PHLDB2: variants seen among roughly 807,000 people sequenced by gnomAD.
The protein encoded by PHLDB2 is pleckstrin homology-like domain family B member 2.
A neutral mutation model predicts 123.6 loss-of-function variants in PHLDB2; 71 were observed. The observed-to-expected ratio is 0.57, with a 90% CI of 0.47 to 0.70. The LOEUF (loss-of-function observed/expected upper bound fraction) is 0.70. PHLDB2 is among the 30% of genes least tolerant of loss of function. The pLI is 0.00. For missense variants in PHLDB2, 1,446 were observed against 1,519.5 expected (o/e 0.95, Z 0.80); for synonymous variants, 547 against 541.6 (o/e 1.01, Z -0.14).
intron 2 of PHLDB2, among the ~76,000 whole-genome samples, chr3:111,906,656 C>T (rs1052584775): frequency 3.3e-5 from 5 of 152,162 alleles, no homozygotes; most frequent in East Asian, 1.9e-4. Context: ...TAGTTATTCA[C>T]GTATGTCTCA....
intron 8 of PHLDB2, among the ~76,000 whole-genome samples, chr3:111,942,009 G>C (rs948452913): frequency 2.0e-5 from 3 of 152,090 alleles, no homozygotes; most frequent in African/African-American, 7.2e-5. Flanking sequence ...GATGAAATCT[G>C]TTTCCATTAG....
chr3:111,800,890 G>A (rs558405598), intron 1 of PHLDB2, among the ~76,000 whole-genome samples: 1 of 152,160 alleles, frequency 6.6e-6, no homozygotes, highest in African/African-American at 2.4e-5. Flanking sequence ...TTTCTAAGAA[G>A]TTATGCCAAT....
chr3:111,835,512 G>A (rs1386910866), intron 1 of PHLDB2, among the ~76,000 whole-genome samples: 1 of 152,138 alleles, frequency 6.6e-6, no homozygotes, highest in Non-Finnish European at 1.5e-5. Context: ...TCAATAGCTG[G>A]TGAAAATAAT....
At chr3:111,861,696 T>C (rs755096104) in intron 1 of PHLDB2, among the ~76,000 whole-genome samples, 1 of 152,212 alleles carries the variant, frequency 6.6e-6, no homozygotes, top group Non-Finnish European at 1.5e-5. Context: ...GAGAGCTTGC[T>C]TACTCCTCCG....
At chr3:111,966,500 C>T (rs1415615442) in intron 13 of PHLDB2, 113 bp from the exon 14 acceptor site, 6 of 467,554 alleles carry the variant, frequency 1.3e-5, no homozygotes, top group East Asian at 3.8e-5. Flanking sequence ...CCCTTGACCC[C>T]ATGTGTGTGT....
At chr3:111,765,461 C>T (rs1053159338) in intron 1 of PHLDB2, among the ~76,000 whole-genome samples, 1 of 152,208 alleles carries the variant, frequency 6.6e-6, no homozygotes, top group Non-Finnish European at 1.5e-5. Context: ...TCCTAAGGCA[C>T]CCAGTTTTCA....
chr3:111,936,499 A>T (rs1262169259), intron 6 of PHLDB2, among the ~76,000 whole-genome samples: 1 of 152,198 alleles, frequency 6.6e-6, no homozygotes, highest in African/African-American at 2.4e-5. Flanking sequence ...GTAAGTTTAT[A>T]TACACACATT....
intron 17 of PHLDB2, 23 bp downstream of exon 17, chr3:111,973,840 C>A: frequency 6.9e-7 from 1 of 1,442,920 alleles, no homozygotes; most frequent in Non-Finnish European, 9.6e-7. Flanking sequence ...TTTCTAAATT[C>A]CTACAATTTG....
chr3:111,735,955 C>T (rs933224180), intron 1 of PHLDB2, among the ~76,000 whole-genome samples: 4 of 152,304 alleles, frequency 2.6e-5, no homozygotes, highest in South Asian at 2.1e-4. Context: ...ACACTGTTCA[C>T]GTTCTAAATG....
At chr3:111,864,216 CTT>C (rs774325051) in intron 1 of PHLDB2, among the ~76,000 whole-genome samples, 21 of 152,248 alleles carry the variant, frequency 1.4e-4, no homozygotes, top group African/African-American at 3.6e-4. Flanking sequence ...GTGTAGCAGT[CTT>C]TTCATTATCA....
chr3:111,773,502 C>T (rs2060213358), intron 1 of PHLDB2, among the ~76,000 whole-genome samples: 1 of 152,200 alleles, frequency 6.6e-6, no homozygotes, highest in Non-Finnish European at 1.5e-5. Flanking sequence ...CTTCTGATAG[C>T]TGTAGCAAAA....
chr3:111,926,403 A>G (rs2068814117), intron 5 of PHLDB2, among the ~76,000 whole-genome samples: 1 of 152,178 alleles, frequency 6.6e-6, no homozygotes, highest in South Asian at 2.1e-4. Flanking sequence ...GCCAAGTCAC[A>G]GTCAGTGTGC....
intron 2 of PHLDB2, among the ~76,000 whole-genome samples, chr3:111,847,290 T>C (rs1413662148): frequency 1.3e-5 from 2 of 152,194 alleles, no homozygotes; most frequent in African/African-American, 4.8e-5. Flanking sequence ...TAATAGTGTC[T>C]GTCATGTATG....
chr3:111,780,114 A>G (rs1186572951), intron 1 of PHLDB2, among the ~76,000 whole-genome samples: 1 of 151,300 alleles, frequency 6.6e-6, no homozygotes, highest in African/African-American at 2.4e-5. Flanking sequence ...GTGGTTTGGA[A>G]TGCCCCCACC....
chr3:111,954,853 G>A (rs1258776613), intron 12 of PHLDB2, among the ~76,000 whole-genome samples: 8 of 152,102 alleles, frequency 5.3e-5, no homozygotes, highest in Non-Finnish European at 8.8e-5. Context: ...AAATAATGGC[G>A]GTATGCCCAG....
chr3:111,913,915 G>A (rs1046896773), intron 3 of PHLDB2: 5 of 594,180 alleles, frequency 8.4e-6, no homozygotes, highest in Non-Finnish European at 1.4e-5. Flanking sequence ...CAGCACAGAA[G>A]AGTAGAAAGA....
chr3:111,758,922 G>A (rs2059948161), intron 1 of PHLDB2, among the ~76,000 whole-genome samples: 1 of 152,046 alleles, frequency 6.6e-6, no homozygotes, highest in African/African-American at 2.4e-5. Context: ...GAGACAACAA[G>A]CTATGTTTTG....
At chr3:111,768,788 C>A (rs1377705037) in intron 1 of PHLDB2, among the ~76,000 whole-genome samples, 1 of 152,182 alleles carries the variant, frequency 6.6e-6, no homozygotes, top group Admixed American at 6.5e-5. Flanking sequence ...CTCTGCCCTG[C>A]CAGCTTCTTT....
At chr3:111,908,368 G>T (rs895316944) in intron 2 of PHLDB2, among the ~76,000 whole-genome samples, 2 of 152,038 alleles carry the variant, frequency 1.3e-5, no homozygotes, top group Non-Finnish European at 2.9e-5. Context: ...ATTGCACATG[G>T]TTTATTAGTC....
Sources: gnomAD v4.1 joint callset for allele counts (sites outside exome capture counted in the v4.1 genomes callset) on GRCh38, gnomAD v4.1.1 for gene constraint, MANE v1.5 for transcripts, NCBI Gene and HGNC (gene_info 2026-07-23, HGNC 2026-07-21) for gene names.